CMKLR1: variants seen among roughly 807,000 people sequenced by gnomAD.
The protein encoded by CMKLR1 is chemerin-like receptor 1.
CMKLR1 carries 6 observed loss-of-function variants against 8.2 expected under a neutral mutation model. That is an observed-to-expected ratio of 0.73 (90% CI 0.40 to 1.44). The LOEUF is 1.44. CMKLR1 is among the 40% of genes most tolerant of loss of function. CMKLR1 has a pLI of 0.02. For synonymous variants in CMKLR1, 178 were observed against 181.2 expected, an observed-to-expected ratio of 0.98 and a Z score of 0.14; for missense variants, 429 against 478.0, an observed-to-expected ratio of 0.90 and a Z score of 0.96.
At chr12:108,295,742 G>A (rs1043339306) in intron 2 of CMKLR1, among the ~76,000 whole-genome samples, 1 of 152,248 alleles carries the variant, frequency 6.6e-6, no homozygotes, top group African/African-American at 2.4e-5. Flanking sequence ...AGTGGGCTGG[G>A]TGTGTGAGTC....
chr12:108,330,229 G>A (rs1041155596), intron 1 of CMKLR1, 22 bp from the exon 2 acceptor site: 2 of 152,222 alleles, frequency 1.3e-5, no homozygotes, highest in African/African-American at 2.4e-5. Context: ...GAGAAAGAGA[G>A]AAACAGAGCA....
intron 2 of CMKLR1, among the ~76,000 whole-genome samples, chr12:108,321,062 C>G (rs1891850460): frequency 6.6e-6 from 1 of 152,204 alleles, no homozygotes; most frequent in Admixed American, 6.5e-5. Context: ...GCAGGAGCAG[C>G]CTCTCCCTGG....
rs543412880 is a variant in CMKLR1 at position 108,289,885 on chromosome 12, G to A, written c.*1956C>T. 3 of 152,252 alleles carry A rather than the reference G, an allele frequency of 2.0e-5. No homozygotes were observed. Among genetic ancestry groups the A allele is most frequent in the Admixed American group, 6.5e-5 (1 of 15,290 alleles). 9.4% of individuals were successfully genotyped at this position (152,252 alleles called of 1,614,324 possible). A position where few individuals can be genotyped will look rare whatever the true frequency, so the allele number is the denominator to read the frequency against. On this transcript the variant is annotated 3_prime_UTR_variant, in exon 4 of 4. Coordinates refer to ENST00000550402, the MANE Select transcript of CMKLR1 (RefSeq NM_001142343.2). ...ATGGCCTCGGGAACTCGCCCAGCGC[G>A]GGGTAGACATTGCATCTGTTCATTG... is the stretch of plus-strand genomic sequence containing the variant.
rs528447944 is a variant in CMKLR1, at chr12:108,290,809, C to G, written c.*1032G>C. On this transcript the variant is annotated 3_prime_UTR_variant, in exon 4 of 4. Coordinates refer to ENST00000550402, the MANE Select transcript of CMKLR1 (RefSeq NM_001142343.2). ...GAGTCCTCGGACATACTCTTCTTCC[C>G]AGGGGACTCTCCGGAGTTGCTTCCC... 4.6e-5 allele frequency: 7 copies of G among 152,382 alleles called. No homozygotes were observed. In the South Asian group the frequency reaches 1.0e-3, roughly 23 times the overall value. 9.4% of individuals were successfully genotyped at this position (152,382 alleles called of 1,614,324 possible). A position where few individuals can be genotyped will look rare whatever the true frequency, so the allele number is the denominator to read the frequency against.
chr12:108,293,699 T>G (rs1408681638), intron 2 of CMKLR1, 35 bp from the exon 3 acceptor site: 12 of 1,206,864 alleles, frequency 9.9e-6, no homozygotes, highest in Non-Finnish European at 1.4e-5. Flanking sequence ...AAGCAGCAAT[T>G]GGATCCAGGT....
At chr12:108,326,936 C>T (rs895394515) in intron 2 of CMKLR1, among the ~76,000 whole-genome samples, 8 of 152,106 alleles carry the variant, frequency 5.3e-5, no homozygotes, top group African/African-American at 1.9e-4. Context: ...ATTTAATCCT[C>T]ACCACACAAC....
At chr12:108,319,122 T>A (rs1891798939) in intron 2 of CMKLR1, among the ~76,000 whole-genome samples, 1 of 152,204 alleles carries the variant, frequency 6.6e-6, no homozygotes, top group Admixed American at 6.5e-5. Flanking sequence ...CTGGCCTCCA[T>A]GCCCTTTGCC....
In CMKLR1 at chr12:108,289,218, C is replaced by T. The variant is rs1186837544; in HGVS notation, c.*2623G>A. The T allele has an allele frequency of 6.6e-6, 1 of 152,352 alleles. No individual in the cohort carries two copies. Among genetic ancestry groups the T allele is most frequent in the Non-Finnish European group, 1.5e-5 (1 of 68,120 alleles). The allele number at this position is 152,352 out of a possible 1,614,324, so 9.4% of individuals were successfully genotyped here. The stretch of plus-strand genomic sequence containing the variant: ...GGCAGGGCTAAGTAAGGCCCCATCA[C>T]TGAGTCCTGGGCCCAGAGAGAAGGC... On this transcript the variant is annotated 3_prime_UTR_variant, in exon 4 of 4. Transcript: ENST00000550402.
intron 2 of CMKLR1, among the ~76,000 whole-genome samples, chr12:108,306,483 A>G (rs924035754): frequency 3.3e-5 from 5 of 151,858 alleles, no homozygotes; most frequent in Non-Finnish European, 4.4e-5. Context: ...CCACACATCT[A>G]TCAACAAGTT....
At position 108,291,808 on chromosome 12, in the gene CMKLR1, G is replaced by C. The variant is rs1890973363; in HGVS notation, c.*33C>G. The stretch of plus-strand genomic sequence containing the variant: ...ACATATCCTTGGGTGTCCCTGGGTT[G>C]AGAGAGTCCATTGAGGGGTTCCACA... On this transcript the variant is annotated 3_prime_UTR_variant, in exon 4 of 4. Coordinates refer to ENST00000550402, the MANE Select transcript of CMKLR1 (RefSeq NM_001142343.2). 6.3e-7 allele frequency: 1 copy of C among 1,582,976 alleles called. No individual in the cohort carries two copies. The highest frequency in any genetic ancestry group is 8.6e-7 in the Non-Finnish European group (1 of 1,165,538).
At chr12:108,294,567 T>C (rs1418053372) in intron 2 of CMKLR1, among the ~76,000 whole-genome samples, 2 of 152,192 alleles carry the variant, frequency 1.3e-5, no homozygotes, top group African/African-American at 2.4e-5. Flanking sequence ...AAATGGGATT[T>C]CTCACCTCAC....
At chr12:108,318,783 G>A (rs986189889) in intron 2 of CMKLR1, among the ~76,000 whole-genome samples, 2 of 152,198 alleles carry the variant, frequency 1.3e-5, no homozygotes, top group African/African-American at 4.8e-5. Context: ...TGTTCTGGAG[G>A]TGCCTTTGGT....
intron 2 of CMKLR1, among the ~76,000 whole-genome samples, chr12:108,323,274 C>G (rs1891902839): frequency 6.6e-6 from 1 of 152,204 alleles, no homozygotes; most frequent in East Asian, 1.9e-4. Context: ...ATAGACTCAT[C>G]TTTTTCAGTT....
intron 2 of CMKLR1, among the ~76,000 whole-genome samples, chr12:108,296,158 G>A (rs548202276): frequency 2.2e-4 from 33 of 152,222 alleles, no homozygotes; most frequent in South Asian, 8.3e-4. Context: ...CAAACCAAGC[G>A]GAAGAGCAGA....
At chr12:108,298,318 C>T (rs780032763) in intron 2 of CMKLR1, among the ~76,000 whole-genome samples, 2 of 152,192 alleles carry the variant, frequency 1.3e-5, no homozygotes, top group Non-Finnish European at 2.9e-5. Flanking sequence ...TTCATTGCAT[C>T]AGCTCATGCA....
Position 108,292,926 on chromosome 12 carries a change from T to C in CMKLR1, c.37A>G (p.Ser13Gly). 1 of 1,612,918 alleles carries C rather than the reference T, an allele frequency of 6.2e-7. No individual in the cohort carries two copies. Among genetic ancestry groups the C allele is most frequent in the African/African-American group, 1.3e-5 (1 of 75,014 alleles). The change falls in exon 4 of 4, where the codon AGT becomes GGT. Residue 13 changes from serine (S) to glycine (G), a missense_variant. Coordinates refer to ENST00000550402, the MANE Select transcript of CMKLR1 (RefSeq NM_001142343.2). ...MEDEDYNTSI[S>G]YGDEYPDYLD... Reference sequence around the variant, plus strand: ...TAATCAGGGTATTCATCACCGTAACTGATGGAAGTGTTGTAATCTTCATCC... The same window carrying C: ...TAATCAGGGTATTCATCACCGTAACCGATGGAAGTGTTGTAATCTTCATCC...
intron 2 of CMKLR1, among the ~76,000 whole-genome samples, chr12:108,293,964 A>G (rs1165047485): frequency 6.6e-6 from 1 of 152,202 alleles, no homozygotes; most frequent in African/African-American, 2.4e-5. Context: ...GTAAAGGAAG[A>G]CACAGAGGAG....
chr12:108,292,064 A>C lies in CMKLR1; in HGVS notation c.899T>G (p.Leu300Arg). 6.2e-7 allele frequency: 1 copy of C among 1,614,238 alleles called. No homozygotes were observed. The highest frequency in any genetic ancestry group is 8.5e-7 in the Non-Finnish European group (1 of 1,180,038). ...PGSVFSLGLP[L>R]ATALAIANSC... ...GTTGGCAATGGCAAGGGCAGTGGCC[A>C]GGGGCAAACCCAGGCTGAAGACAGA... The change falls in exon 4 of 4, where the codon CTG becomes CGG. Residue 300 changes from leucine to arginine, a missense_variant. By Grantham distance (102) the Leu-to-Arg change is moderately radical. Transcript: ENST00000550402.
chr12:108,304,735 C>T (rs563035841), intron 2 of CMKLR1, among the ~76,000 whole-genome samples: 1 of 152,334 alleles, frequency 6.6e-6, no homozygotes, highest in East Asian at 1.9e-4. Context: ...GTCAGCCCTC[C>T]CCCTCTGACA....
Sources: allele counts gnomAD v4.1 joint callset (sites outside exome capture counted in the v4.1 genomes callset), GRCh38; gene constraint gnomAD v4.1.1; transcripts MANE v1.5; gene names NCBI Gene and HGNC (gene_info 2026-07-23, HGNC 2026-07-21).